MICAL2: variants seen among roughly 807,000 people sequenced by gnomAD.
The protein encoded by MICAL2 is microtubule associated monooxygenase, calponin and LIM domain containing 2.
MICAL2 carries 77 observed loss-of-function variants against 127.3 expected under a neutral mutation model. The ratio of observed to expected loss-of-function variants is 0.60; its 90% CI spans 0.50 to 0.73. The LOEUF (loss-of-function observed/expected upper bound fraction) is 0.73. MICAL2 is among the 30% of genes least tolerant of loss of function. The probability of loss-of-function intolerance (pLI) is 0.00; values close to 1 mark genes in which losing one functional copy is unlikely to be tolerated. For synonymous variants in MICAL2, 570 were observed against 551.1 expected, an observed-to-expected ratio of 1.03 and a Z score of -0.48; for missense variants, 1,351 against 1,434.4, an observed-to-expected ratio of 0.94 and a Z score of 0.94.
intron 3 of MICAL2, among the ~76,000 whole-genome samples, chr11:12,194,129 T>A (rs757675033): frequency 1.1e-4 from 16 of 152,212 alleles, no homozygotes; most frequent in Non-Finnish European, 2.4e-4. Flanking sequence ...TTGGGTAGAT[T>A]GACAGCACTG....
chr11:12,316,876 AT>A (rs1864238148), intron 29 of MICAL2, among the ~76,000 whole-genome samples: 2 of 152,280 alleles, frequency 1.3e-5, no homozygotes, highest in East Asian at 3.9e-4. Flanking sequence ...TGAATCTATA[AT>A]AACCTTTACT....
At chr11:12,167,543 G>A (rs892475380) in intron 3 of MICAL2, among the ~76,000 whole-genome samples, 4 of 152,142 alleles carry the variant, frequency 2.6e-5, no homozygotes, top group South Asian at 4.1e-4. Context: ...TGACATTCCC[G>A]ACCTCTGAAG....
At chr11:12,356,242 T>A (rs918114130) in intron 34 of MICAL2, among the ~76,000 whole-genome samples, 27 of 152,320 alleles carry the variant, frequency 1.8e-4, no homozygotes, top group East Asian at 3.9e-4. Context: ...CCTGAGCTCA[T>A]CTTCTGCCTA....
downstream of MICAL2, among the ~76,000 whole-genome samples, chr11:12,289,694 G>A (rs751464194): frequency 6.6e-6 from 1 of 151,500 alleles, no homozygotes; most frequent in African/African-American, 2.4e-5. Flanking sequence ...TCAGCCTCTC[G>A]AGTAGCTGGG....
intron 3 of MICAL2, among the ~76,000 whole-genome samples, chr11:12,171,369 C>T (rs181411716): frequency 6.6e-6 from 1 of 152,352 alleles, no homozygotes; most frequent in East Asian, 1.9e-4. Context: ...TTAACGCTCT[C>T]CTTCCCAGAC....
downstream of MICAL2, chr11:12,292,194 C>T (rs1863912702): frequency 6.2e-7 from 1 of 1,613,976 alleles, no homozygotes; most frequent in African/African-American, 1.3e-5. Flanking sequence ...GACCCTTCTC[C>T]TTCTCTTCCT....
At chr11:12,268,717 G>C (rs928319732), downstream of MICAL2, among the ~76,000 whole-genome samples, 2 of 152,202 alleles carry the variant, frequency 1.3e-5, no homozygotes, top group South Asian at 4.1e-4. Context: ...TCGGCCGGGC[G>C]CGGTCGCTCA....
intron 29 of MICAL2, among the ~76,000 whole-genome samples, chr11:12,305,197 G>T (rs1251652393): frequency 6.6e-6 from 1 of 152,176 alleles, no homozygotes; most frequent in Non-Finnish European, 1.5e-5. Flanking sequence ...GTTCCACATG[G>T]CTGGGAAGGC....
At chr11:12,132,055 C>T (rs1470034673) in intron 1 of MICAL2, among the ~76,000 whole-genome samples, 1 of 152,118 alleles carries the variant, frequency 6.6e-6, no homozygotes, top group Non-Finnish European at 1.5e-5. Context: ...TGCTTGAGGT[C>T]GCACAACAGA....
At chr11:12,141,462 T>C (rs1400628298) in intron 2 of MICAL2, among the ~76,000 whole-genome samples, 1 of 152,198 alleles carries the variant, frequency 6.6e-6, no homozygotes, top group Non-Finnish European at 1.5e-5. Flanking sequence ...AGCTTGCTTC[T>C]GTAAGCACTT....
chr11:12,227,219 A>T (rs2706644), intron 15 of MICAL2, 88 bp downstream of exon 15: 2 of 959,000 alleles, frequency 2.1e-6, no homozygotes, highest in Non-Finnish European at 3.2e-6. Context: ...CAGCCTGTTG[A>T]GGCTAGTAAG....
chr11:12,327,250 G>T, exon 32 of MICAL2: 1 of 1,550,586 alleles, frequency 6.4e-7, no homozygotes, highest in Non-Finnish European at 8.7e-7. Context: ...TGGAGAAGGC[G>T]TTGCGAGGAG....
At chr11:12,219,608 A>C (rs1456558418) in intron 8 of MICAL2, among the ~76,000 whole-genome samples, 1 of 150,740 alleles carries the variant, frequency 6.6e-6, no homozygotes, top group Non-Finnish European at 1.5e-5. Context: ...CTGATTTTGG[A>C]AAGTGTGAGA....
downstream of MICAL2, chr11:12,293,553 C>T: frequency 6.4e-7 from 1 of 1,567,872 alleles, no homozygotes; most frequent in African/African-American, 1.4e-5. Flanking sequence ...TTTGCCCATC[C>T]CATCTAGATG....
At chr11:12,319,519 G>A (rs1359876353) in intron 29 of MICAL2, among the ~76,000 whole-genome samples, 2 of 151,774 alleles carry the variant, frequency 1.3e-5, no homozygotes, top group Admixed American at 6.6e-5. Context: ...TTAACATGGA[G>A]GGCCAAATTT....
At chr11:12,186,584 C>T (rs902723222) in intron 3 of MICAL2, among the ~76,000 whole-genome samples, 8 of 152,028 alleles carry the variant, frequency 5.3e-5, no homozygotes, top group Admixed American at 4.6e-4. Flanking sequence ...TTCATTTTGC[C>T]TGTAGTATAG....
At chr11:12,205,258 G>A (rs1302448449) in intron 4 of MICAL2, among the ~76,000 whole-genome samples, 3 of 152,166 alleles carry the variant, frequency 2.0e-5, no homozygotes, top group Non-Finnish European at 2.9e-5. Flanking sequence ...CGGGTTTTGG[G>A]AAAGGCAGCC....
intron 24 of MICAL2, among the ~76,000 whole-genome samples, chr11:12,269,068 T>C (rs1397924653): frequency 6.6e-6 from 1 of 152,120 alleles, no homozygotes; most frequent in Non-Finnish European, 1.5e-5. Flanking sequence ...AGATCAGATT[T>C]TCTCTTTTCC....
downstream of MICAL2, among the ~76,000 whole-genome samples, chr11:12,291,868 C>T (rs527375652): frequency 3.9e-5 from 6 of 152,270 alleles, no homozygotes; most frequent in South Asian, 8.3e-4. Context: ...TCTGGAAATG[C>T]CCTGATACAC....
Sources: gnomAD v4.1 joint callset for allele counts (sites outside exome capture counted in the v4.1 genomes callset) on GRCh38, gnomAD v4.1.1 for gene constraint, MANE v1.5 for transcripts, NCBI Gene and HGNC (gene_info 2026-07-23, HGNC 2026-07-21) for gene names.